ZAN: variants seen among roughly 807,000 people sequenced by gnomAD.
ZAN encodes zonadhesin (gene/pseudogene).
In ZAN, 260 loss-of-function variants were observed where a neutral mutation model predicts 286.2. The observed-to-expected ratio is 0.91, with a 90% CI of 0.82 to 1.01. The LOEUF (loss-of-function observed/expected upper bound fraction) is 1.01, where lower values mean the gene tolerates loss of function less well. Ranked by LOEUF, ZAN falls within the 50% of genes least tolerant of loss-of-function variation. ZAN has a pLI of 0.00. For synonymous variants in ZAN, 1,368 were observed against 1,417.5 expected (o/e 0.97, Z 0.79); for missense variants, 3,410 against 3,639.2 (o/e 0.94, Z 1.62).
intron 7 of ZAN, 136 bp downstream of exon 7, chr7:100,738,749 T>C: frequency 9.4e-7 from 1 of 1,063,806 alleles, no homozygotes; most frequent in Non-Finnish European, 1.3e-6. Context: ...AAGAAGCTGA[T>C]TTCAAGCACC....
At position 100,766,520 on chromosome 7, in the gene ZAN, C is replaced by G; in HGVS notation, c.4471-5C>G. ...TTTCTCTTCCTTCCCTGCTGTCTTCCCCAGGTAGGGGAGCGGTGGTACAAG... is the reference window on the plus strand; with the variant it reads ...TTTCTCTTCCTTCCCTGCTGTCTTCGCCAGGTAGGGGAGCGGTGGTACAAG... On this transcript the variant is annotated splice_polypyrimidine_tract_variant and splice_region_variant and intron_variant, in intron 23 of 47. Transcript: ENST00000613979. 2 of 1,548,014 alleles carry G rather than the reference C, an allele frequency of 1.3e-6. No individual in the cohort carries two copies. Among genetic ancestry groups the G allele is most frequent in the South Asian group, 2.4e-5 (2 of 83,662 alleles).
chr7:100,738,409 G>A lies in ZAN; in HGVS notation c.614-52G>A. The A allele has an allele frequency of 1.4e-6, 2 of 1,403,844 alleles. 1 individual carries two copies. The highest frequency in any genetic ancestry group is 1.9e-6 in the Non-Finnish European group (2 of 1,026,686). The allele number at this position is 1,403,844 out of a possible 1,614,324, so 87.0% of individuals were successfully genotyped here. A position where few individuals can be genotyped will look rare whatever the true frequency, so the allele number is the denominator to read the frequency against. On this transcript the variant is annotated intron_variant, in intron 6 of 47. Transcript: ENST00000613979. The stretch of plus-strand genomic sequence containing the variant: ...CTCTAGCCTGGGTGACAGAGACCCT[G>A]TCTCTAAAAAAGAAGAAAACATTAT...
rs759016574 is a variant in ZAN at position 100,766,598 on chromosome 7, A to C, written c.4544A>C (p.Gln1515Pro). ...VCESNNRIRC[Q>P]PWRCRAQEFC... is the part of the protein sequence containing the mutation. ...GAAAGCAACAACAGAATTCGCTGCC[A>C]GCCCTGGAGGTGTAGGGCCCAGGAG... Residue 1515 changes from glutamine to proline, a missense_variant, in exon 24 of 48, where the codon CAG (glutamine) becomes CCG (proline). Gln to Pro is a moderately conservative substitution (Grantham distance 76). Transcript: ENST00000613979. 4 of 1,555,060 alleles carry C rather than the reference A, an allele frequency of 2.6e-6. No homozygotes were observed. The East Asian group carries it at 9.7e-5, about 38-fold the overall frequency.
intron 15 of ZAN, among the ~76,000 whole-genome samples, chr7:100,756,038 C>T (rs1403796860): frequency 1.3e-5 from 2 of 152,114 alleles, no homozygotes; most frequent in Non-Finnish European, 2.9e-5. Flanking sequence ...AACAGGCTCA[C>T]GCCACCACCC....
chr7:100,791,047 A>G lies in ZAN; in HGVS notation c.7463A>G (p.Gln2488Arg), dbSNP rs1434704070. 1.1e-5 allele frequency: 17 copies of G among 1,613,276 alleles called. 1 individual carries two copies. The highest frequency in any genetic ancestry group is 1.7e-5 in the Admixed American group (1 of 59,890). ...DMMLPSGALT[Q>R]NLNTFGNSWE... ...ATGCTGCCCAGTGGCGCCCTGACCC[A>G]GAACCTCAACACCTTTGGCAACAGC... Residue 2488 changes from glutamine (Q) to arginine (R), a missense_variant, in exon 40 of 48, where the codon CAG (glutamine) becomes CGG (arginine). This residue lies in a region of ZAN where 1,289 missense variants were observed against 1,314.3 expected (regional missense o/e 0.98). Transcript: ENST00000613979.
rs1256356704 is a variant in ZAN, at chr7:100,765,617, C to A, written c.4470+63C>A. 8.7e-6 allele frequency: 13 copies of A among 1,495,548 alleles called. No homozygotes were observed. In the East Asian group the frequency reaches 2.7e-4, roughly 31 times the overall value. The allele number at this position is 1,495,548 out of a possible 1,614,324, so 92.6% of individuals were successfully genotyped here. On this transcript the variant is annotated intron_variant, in intron 23 of 47. Transcript: ENST00000613979. ...AAAGGGCCTGCTCCCTGCTCTCACA[C>A]CCCCTGCAAGCTCTTTCTTTTCTTT...
intron 28 of ZAN, among the ~76,000 whole-genome samples, chr7:100,770,419 G>A (rs1810294162): frequency 6.9e-6 from 1 of 145,370 alleles, no homozygotes; most frequent in African/African-American, 2.6e-5. Context: ...CAGAAGAATC[G>A]CTTTAACCTG....
chr7:100,790,562 A>C lies in ZAN; in HGVS notation c.7358-380A>C, dbSNP rs1189371210. 8.3e-3 allele frequency among the ~76,000 whole-genome samples: 952 copies of C among 115,118 alleles called. 14 individuals are homozygous for C. Among genetic ancestry groups the C allele is most frequent in the African/African-American group, 0.044 (895 of 20,116 alleles). 75.5% of individuals were successfully genotyped at this position (115,118 alleles called of 152,430 possible). On this transcript the variant is annotated intron_variant, in intron 39 of 47. Transcript: ENST00000613979. ...GGGCAACGGAGCGAGACTCCATCTC[A>C]AAAAAAAAAAAAAAAAGTTAATTAA...
In ZAN at chr7:100,776,556, T is replaced by C. The variant is rs1345359632; in HGVS notation, c.6309T>C (p.Ile2103=). The change falls in exon 34 of 48, where the codon ATT becomes ATC. Residue 2103 remains isoleucine (I), a synonymous_variant. Transcript: ENST00000613979. ...TGAACAGTTGGAAAGATAAGGACAT[T>C]GACCCAAGGTAGTGGTCCCCTAAGA... is the stretch of plus-strand genomic sequence containing the variant. ...EFVNSWKDKD[I]DPSCQSLLVD... 1.6e-5 allele frequency: 25 copies of C among 1,554,448 alleles called. No individual in the cohort carries two copies. Among genetic ancestry groups the C allele is most frequent in the Non-Finnish European group, 2.1e-5 (24 of 1,148,296 alleles).
At chr7:100,788,693 T>C (rs934437865) in intron 38 of ZAN, among the ~76,000 whole-genome samples, 5 of 152,074 alleles carry the variant, frequency 3.3e-5, no homozygotes, top group African/African-American at 1.2e-4. Context: ...TGGCATCCAC[T>C]ACACCAATGT....
chr7:100,750,752 T>C lies in ZAN; in HGVS notation c.1377T>C (p.Leu459=). Residue 459 remains leucine, a synonymous_variant, in exon 12 of 48, where the codon CTT becomes CTC. Coordinates refer to ENST00000613979, the MANE Select transcript of ZAN (RefSeq NM_003386.3). The stretch of plus-strand genomic sequence containing the variant: ...AGTTCGCATACCACATGTATGGCCT[T>C]GGGGAGGGTACTATGCTCGAACTCC... ...CVEFAYHMYG[L]GEGTMLELLL... 6.2e-7 allele frequency: 1 copy of C among 1,613,244 alleles called. No individual in the cohort carries two copies. The highest frequency in any genetic ancestry group is 8.5e-7 in the Non-Finnish European group (1 of 1,179,676).
chr7:100,772,726 C>T (rs1234693028), intron 29 of ZAN, among the ~76,000 whole-genome samples: 1 of 150,748 alleles, frequency 6.6e-6, no homozygotes, highest in Non-Finnish European at 1.5e-5. Flanking sequence ...GAGGCTGAAG[C>T]AGGAGAATGG....
intron 42 of ZAN, among the ~76,000 whole-genome samples, chr7:100,793,165 C>CTTTCTAGCTGGG (rs1812114240): frequency 1.3e-5 from 2 of 151,326 alleles, no homozygotes; most frequent in Non-Finnish European, 3.0e-5. Context: ...CAGTGAGACC[C>CTTTCTAGCTGGG]CATCTCTATA....
intron 7 of ZAN, among the ~76,000 whole-genome samples, chr7:100,743,126 C>T (rs1331796482): frequency 2.0e-5 from 3 of 150,006 alleles, no homozygotes; most frequent in Admixed American, 6.7e-5. Flanking sequence ...CGGGTTCAAG[C>T]GATTCTCCTG....
chr7:100,749,639 CA>C (rs762868522), intron 11 of ZAN, among the ~76,000 whole-genome samples: 147 of 66,884 alleles, frequency 2.2e-3, no homozygotes, highest in South Asian at 5.1e-3. Flanking sequence ...GACTCCGTCT[CA>C]AAAAAAAAAA....
intron 7 of ZAN, among the ~76,000 whole-genome samples, chr7:100,743,971 C>A (rs1807999078): frequency 6.6e-6 from 1 of 151,388 alleles, no homozygotes; most frequent in Non-Finnish European, 1.5e-5. Flanking sequence ...CCTGCTTCGG[C>A]CTCCCAAAGT....
At chr7:100,746,483 C>G (rs1014573042) in intron 7 of ZAN, 55 bp from the exon 8 acceptor site, 16 of 1,596,674 alleles carry the variant, frequency 1.0e-5, no homozygotes, top group Non-Finnish European at 1.4e-5. Flanking sequence ...CCTATCTCTG[C>G]TGCCATCTTC....
chr7:100,773,317 C>A lies in ZAN; in HGVS notation c.5458C>A (p.Pro1820Thr). 1 of 1,613,848 alleles carries A rather than the reference C, an allele frequency of 6.2e-7. No individual in the cohort carries two copies. Among genetic ancestry groups the A allele is most frequent in the South Asian group, 1.1e-5 (1 of 91,086 alleles). The part of the protein sequence containing the change: ...MRCPPGSSYS[P>T]CSSPCPDTCS... ...GTGCCCACCTGGCAGCAGCTACAGC[C>A]CCTGCAGCAGCCCCTGCCCAGACAC... is the stretch of plus-strand genomic sequence containing the variant. The change falls in exon 30 of 48, where the codon CCC (proline) becomes ACC (threonine). Residue 1820 changes from proline to threonine, a missense_variant. Coordinates refer to ENST00000613979, the MANE Select transcript of ZAN (RefSeq NM_003386.3).
intron 34 of ZAN, among the ~76,000 whole-genome samples, 185 bp from the exon 35 acceptor site, chr7:100,779,261 C>G (rs993194286): frequency 1.3e-5 from 2 of 151,322 alleles, no homozygotes; most frequent in African/African-American, 2.4e-5. Context: ...CTCAGCAACT[C>G]GGAAGGCTGA....
Sources: gnomAD v4.1 joint callset for allele counts (sites outside exome capture counted in the v4.1 genomes callset) on GRCh38, gnomAD v4.1.1 for gene constraint, gnomAD v4.1.1 regional missense constraint, MANE v1.5 for transcripts, NCBI Gene and HGNC (gene_info 2026-07-23, HGNC 2026-07-21) for gene names.